The following ANKS1B variants were observed in gnomAD, a reference collection of about 807,000 sequenced individuals.
The protein encoded by ANKS1B is ankyrin repeat and sterile alpha motif domain-containing protein 1B.
Under a neutral mutation model 148.3 loss-of-function variants are expected in ANKS1B, and 36 were observed. That is an observed-to-expected ratio of 0.24 (90% CI 0.19 to 0.32). The LOEUF (loss-of-function observed/expected upper bound fraction) is 0.32. ANKS1B is among the 10% of genes least tolerant of loss of function. The probability of loss-of-function intolerance (pLI) is 1.00; values close to 1 mark genes in which losing one functional copy is unlikely to be tolerated. For missense variants in ANKS1B, 1,157 were observed against 1,542.6 expected (o/e 0.75, Z 4.19); for synonymous variants, 542 against 560.8 (o/e 0.97, Z 0.47).
chr12:99,687,901 C>T (rs572619063), intron 8 of ANKS1B, among the ~76,000 whole-genome samples: 122 of 152,278 alleles, frequency 8.0e-4, no homozygotes, highest in Middle Eastern at 3.4e-3. Flanking sequence ...GTGAATTTTA[C>T]ATTGTTAGGT....
At chr12:99,494,732 C>CAA (rs59115173) in intron 10 of ANKS1B, among the ~76,000 whole-genome samples, 1,185 of 55,248 alleles carry the variant, frequency 0.021, 61 homozygotes, top group African/African-American at 0.044. Flanking sequence ...CACTCTGTCT[C>CAA]AAAAAAAAAA....
chr12:99,490,729 T>C (rs1015055672), intron 10 of ANKS1B, among the ~76,000 whole-genome samples: 1 of 152,188 alleles, frequency 6.6e-6, no homozygotes, highest in African/African-American at 2.4e-5. Flanking sequence ...TGTGACTGTA[T>C]TGTATGTCAG....
intron 17 of ANKS1B, among the ~76,000 whole-genome samples, chr12:98,932,945 T>A (rs2099815009): frequency 6.6e-6 from 1 of 152,212 alleles, no homozygotes; most frequent in African/African-American, 2.4e-5. Flanking sequence ...ACACCTGAAC[T>A]ATTTGACTTT....
intron 15 of ANKS1B, among the ~76,000 whole-genome samples, chr12:99,094,465 A>T (rs1236835827): frequency 6.6e-6 from 1 of 152,184 alleles, no homozygotes; most frequent in Non-Finnish European, 1.5e-5. Context: ...ACATAAAGGG[A>T]ATCAATGGAG....
intron 15 of ANKS1B, among the ~76,000 whole-genome samples, chr12:99,092,031 C>T (rs942386271): frequency 6.6e-6 from 1 of 152,112 alleles, no homozygotes; most frequent in Non-Finnish European, 1.5e-5. Flanking sequence ...AACAATGAAC[C>T]CTCTCTATGG....
At chr12:98,952,698 A>G (rs2099855922) in intron 17 of ANKS1B, among the ~76,000 whole-genome samples, 1 of 152,138 alleles carries the variant, frequency 6.6e-6, no homozygotes, top group Non-Finnish European at 1.5e-5. Flanking sequence ...CTTGTGGTTT[A>G]CCAGAAGTTT....
intron 1 of ANKS1B, among the ~76,000 whole-genome samples, chr12:99,944,901 T>C (rs2095022155): frequency 6.6e-6 from 1 of 152,054 alleles, no homozygotes; most frequent in Admixed American, 6.6e-5. Flanking sequence ...CTTTGGAGAA[T>C]GTGTAAGATT....
intron 12 of ANKS1B, among the ~76,000 whole-genome samples, chr12:99,365,803 C>T (rs2092732828): frequency 6.6e-6 from 1 of 151,608 alleles, no homozygotes; most frequent in African/African-American, 2.4e-5. Context: ...AGGGGGCACT[C>T]TAAATATTAA....
At chr12:99,926,487 T>G (rs1328477382) in intron 1 of ANKS1B, among the ~76,000 whole-genome samples, 1 of 152,160 alleles carries the variant, frequency 6.6e-6, no homozygotes, top group East Asian at 1.9e-4. Context: ...TAAAATGGGA[T>G]ATCAGTTTTT....
chr12:99,911,903 C>G (rs1443671553), intron 1 of ANKS1B, among the ~76,000 whole-genome samples: 1 of 152,066 alleles, frequency 6.6e-6, no homozygotes, highest in Non-Finnish European at 1.5e-5. Flanking sequence ...ACAATAATAT[C>G]TTAATATGAC....
chr12:99,206,729 G>A (rs1392849112), intron 14 of ANKS1B, among the ~76,000 whole-genome samples: 2 of 152,036 alleles, frequency 1.3e-5, no homozygotes, highest in African/African-American at 2.4e-5. Context: ...ATTCTCTAAT[G>A]GGCTCCACTC....
intron 12 of ANKS1B, among the ~76,000 whole-genome samples, chr12:99,285,947 A>G (rs2154003442): frequency 6.6e-6 from 1 of 152,250 alleles, no homozygotes; most frequent in East Asian, 1.9e-4. Context: ...AGCGCTCTGG[A>G]GTTCTAAATA....
At chr12:99,742,324 AT>A (rs1359146200) in intron 8 of ANKS1B, among the ~76,000 whole-genome samples, 1 of 152,104 alleles carries the variant, frequency 6.6e-6, no homozygotes, top group Non-Finnish European at 1.5e-5. Flanking sequence ...AAATTGAAAT[AT>A]CAAAACATTC....
At chr12:99,357,520 A>G (rs1018302919) in intron 12 of ANKS1B, among the ~76,000 whole-genome samples, 1 of 152,152 alleles carries the variant, frequency 6.6e-6, no homozygotes, top group Non-Finnish European at 1.5e-5. Flanking sequence ...GGTGGATAAA[A>G]TAAGTTTAAT....
At chr12:99,310,080 T>G (rs1239340247) in intron 12 of ANKS1B, among the ~76,000 whole-genome samples, 2 of 152,170 alleles carry the variant, frequency 1.3e-5, no homozygotes, top group Non-Finnish European at 2.9e-5. Flanking sequence ...GAAATCTGTA[T>G]CATGGATCTG....
chr12:99,579,675 C>T (rs1470618855), intron 9 of ANKS1B, among the ~76,000 whole-genome samples: 2 of 151,994 alleles, frequency 1.3e-5, no homozygotes, highest in African/African-American at 4.8e-5. Flanking sequence ...GTCAGAATGA[C>T]TATTATTAAA....
chr12:99,806,498 G>C lies in ANKS1B; in HGVS notation c.575C>G (p.Thr192Ser), dbSNP rs1454127752. The C allele has an allele frequency of 6.2e-7, 1 of 1,613,982 alleles. No individual in the cohort carries two copies. The highest frequency in any genetic ancestry group is 8.5e-7 in the Non-Finnish European group (1 of 1,179,870). Residue 192 changes from threonine (T) to serine (S), a missense_variant, in exon 4 of 27, where the codon ACT becomes AGT. By Grantham distance (58) the Thr-to-Ser change is moderately conservative. Around this residue, in one of 6 missense-constraint regions of ANKS1B, gnomAD observed 164 missense variants for 232.6 expected, o/e 0.71. Coordinates refer to ENST00000683438, the MANE Select transcript of ANKS1B (RefSeq NM_001352186.2). ...SAHPNLMSCN[T>S]RKHTPLHLAA... ...AAGGTGAAGTGGCGTGTGCTTGCGA[G>C]TGTTGCAGCTCATTAAGTTAGGATG...
At chr12:99,367,230 A>T (rs1245675861) in intron 12 of ANKS1B, among the ~76,000 whole-genome samples, 1 of 152,178 alleles carries the variant, frequency 6.6e-6, no homozygotes, top group East Asian at 1.9e-4. Context: ...GGAAAAATTC[A>T]AAATCCGAAT....
chr12:99,666,558 G>T (rs919393230), intron 8 of ANKS1B, among the ~76,000 whole-genome samples: 2 of 151,608 alleles, frequency 1.3e-5, no homozygotes, highest in Admixed American at 1.3e-4. Context: ...ATCTTTGCAC[G>T]TATTAGGTTT....
Sources: gnomAD v4.1 joint callset for allele counts (sites outside exome capture counted in the v4.1 genomes callset) on GRCh38, gnomAD v4.1.1 for gene constraint, gnomAD v4.1.1 regional missense constraint, MANE v1.5 for transcripts, NCBI Gene and HGNC (gene_info 2026-07-23, HGNC 2026-07-21) for gene names.